KALRN: variants seen among roughly 807,000 people sequenced by gnomAD.
KALRN encodes the protein kalirin.
Under a neutral mutation model 353.7 loss-of-function variants are expected in KALRN, and 70 were observed. The observed-to-expected ratio is 0.20, with a 90% confidence interval of 0.16 to 0.24. The LOEUF is 0.24. Ranked by LOEUF, KALRN falls within the 10% of genes least tolerant of loss-of-function variation. The pLI is 1.00. For synonymous variants in KALRN, 1,391 were observed against 1,434.8 expected (o/e 0.97, Z 0.69); for missense variants, 2,791 against 3,756.7 (o/e 0.74, Z 6.72).
chr3:124,442,005 G>A lies in KALRN; in HGVS notation c.3259G>A (p.Val1087Ile), dbSNP rs2150597778. Residue 1087 changes from valine to isoleucine, a missense_variant, in exon 19 of 60, where the codon GTC becomes ATC. Val to Ile is a conservative substitution (Grantham distance 29, BLOSUM62 3). This residue lies in a region of KALRN where 268 missense variants were observed against 347.0 expected (regional missense o/e 0.77). Coordinates refer to ENST00000682506, the MANE Select transcript of KALRN (RefSeq NM_001388419.1). ...VFLKYIHRNN[V>I]SMPSVASHTR... is the part of the protein sequence containing the mutation. Reference sequence around the variant, plus strand: ...TCTCAAGTACATCCACAGGAACAACGTCAGCATGCCCAGTGTCGCCAGCCA... The same window carrying A: ...TCTCAAGTACATCCACAGGAACAACATCAGCATGCCCAGTGTCGCCAGCCA... 1.9e-6 allele frequency: 3 copies of A among 1,607,778 alleles called. No individual in the cohort carries two copies. Among genetic ancestry groups the A allele is most frequent in the East Asian group, 2.2e-5 (1 of 44,542 alleles).
At chr3:124,071,763 A>G (rs2060029896) in intron 1 of KALRN, among the ~76,000 whole-genome samples, 1 of 152,166 alleles carries the variant, frequency 6.6e-6, no homozygotes, top group Non-Finnish European at 1.5e-5. Context: ...CACATTGGCC[A>G]TTAAGTTTCA....
At chr3:124,344,079 A>G (rs1418326351) in intron 9 of KALRN, among the ~76,000 whole-genome samples, 1 of 152,228 alleles carries the variant, frequency 6.6e-6, no homozygotes. Context: ...CCTGACTATG[A>G]TTGGTAATTG....
chr3:124,121,289 A>G (rs569420783), intron 1 of KALRN, among the ~76,000 whole-genome samples: 8 of 152,276 alleles, frequency 5.3e-5, no homozygotes, highest in Non-Finnish European at 7.3e-5. Flanking sequence ...TATATTTTCT[A>G]TCTCCAGAAT....
At chr3:124,228,101 AGAGAAGTTGTGTGTG>A in intron 2 of KALRN, 37 bp downstream of exon 2, 2 of 1,532,108 alleles carry the variant, frequency 1.3e-6, no homozygotes. Flanking sequence ...TAAAGGACCT[AGAGAAGTTGTGTGTG>A]TGCACATGTG....
chr3:124,311,064 C>CTT (rs71145446), intron 6 of KALRN, among the ~76,000 whole-genome samples: 2,347 of 67,478 alleles, frequency 0.035, 541 homozygotes, highest in East Asian at 0.35. Flanking sequence ...GATACTACTT[C>CTT]TTTTTTTTTT....
rs1267527831 is a variant in KALRN at position 124,629,164 on chromosome 3, C to G, written c.5183-3256C>G. ...AGCTGGTCAGGTATTCTCCCAAGAT[C>G]ATGGTGATGATGAGAAGCATCAGCA... On this transcript the variant is annotated intron_variant, in intron 34 of 59. Transcript: ENST00000682506. Among the ~76,000 whole-genome samples the G allele has an allele frequency of 2.6e-5, 4 of 152,272 alleles. No homozygotes were observed. In the East Asian group the frequency reaches 7.7e-4, roughly 29 times the overall value.
At chr3:124,040,079 G>T (rs552835761) in intron 1 of KALRN, among the ~76,000 whole-genome samples, 1 of 152,242 alleles carries the variant, frequency 6.6e-6, no homozygotes, top group South Asian at 2.1e-4. Context: ...CTTCATCCTT[G>T]TGCCACAAAT....
intron 10 of KALRN, among the ~76,000 whole-genome samples, chr3:124,361,391 C>T (rs75531231): frequency 0.029 from 4,393 of 152,274 alleles, 105 homozygotes; most frequent in Middle Eastern, 0.051. Flanking sequence ...GTTTATTCTC[C>T]CAGTTATTCC....
intron 34 of KALRN, among the ~76,000 whole-genome samples, chr3:124,585,501 G>C (rs3863066): frequency 1.3e-5 from 2 of 152,200 alleles, no homozygotes; most frequent in African/African-American, 4.8e-5. Context: ...TCTGTGCCCA[G>C]TTAGGACTGT....
intron 33 of KALRN, chr3:124,519,236 G>A: frequency 6.3e-6 from 6 of 958,690 alleles, no homozygotes; most frequent in Non-Finnish European, 7.4e-6. Flanking sequence ...CTGGCCACAT[G>A]TTGATAATTG....
At chr3:124,102,171 C>A (rs2061921834) in intron 1 of KALRN, among the ~76,000 whole-genome samples, 1 of 151,954 alleles carries the variant, frequency 6.6e-6, no homozygotes. Flanking sequence ...TGTATATATA[C>A]CTATTAGAGT....
intron 10 of KALRN, among the ~76,000 whole-genome samples, chr3:124,355,471 G>T (rs1161054800): frequency 6.6e-6 from 1 of 152,152 alleles, no homozygotes; most frequent in Non-Finnish European, 1.5e-5. Context: ...TTTTATGGAA[G>T]GCAGGGGTGA....
At chr3:124,486,617 CT>C (rs1192238216) in intron 28 of KALRN, among the ~76,000 whole-genome samples, 5 of 152,268 alleles carry the variant, frequency 3.3e-5, no homozygotes, top group Non-Finnish European at 4.4e-5. Flanking sequence ...AATTAGATAT[CT>C]TACCAAGTAT....
At chr3:124,189,315 C>T (rs1427202713) in intron 1 of KALRN, among the ~76,000 whole-genome samples, 1 of 152,138 alleles carries the variant, frequency 6.6e-6, no homozygotes, top group Non-Finnish European at 1.5e-5. Context: ...TGTTCTGAGA[C>T]ACTAATAAAG....
intron 13 of KALRN, chr3:124,410,138 C>T (rs76698357): frequency 0.013 from 6,273 of 494,590 alleles, 92 homozygotes; most frequent in East Asian, 0.078. Context: ...TTTGAATTCC[C>T]AAGATTCCAG....
intron 1 of KALRN, among the ~76,000 whole-genome samples, chr3:124,036,114 G>C (rs1463198052): frequency 6.6e-6 from 1 of 152,090 alleles, no homozygotes. Context: ...GGGTTATATA[G>C]ATAAACTGTG....
intron 6 of KALRN, among the ~76,000 whole-genome samples, chr3:124,312,828 CA>C (rs2078411452): frequency 6.6e-6 from 1 of 152,182 alleles, no homozygotes; most frequent in Non-Finnish European, 1.5e-5. Flanking sequence ...GAATTTTGCC[CA>C]CTAGAGTATA....
At chr3:124,547,025 T>G (rs566538128) in intron 33 of KALRN, among the ~76,000 whole-genome samples, 3 of 152,310 alleles carry the variant, frequency 2.0e-5, no homozygotes, top group East Asian at 1.9e-4. Flanking sequence ...AAGGAGAACT[T>G]TCTATGCAGT....
intron 34 of KALRN, among the ~76,000 whole-genome samples, chr3:124,592,567 A>C: frequency 6.7e-6 from 1 of 150,058 alleles, no homozygotes; most frequent in African/African-American, 2.4e-5. Context: ...CACATCTTTT[A>C]TGTTTGAGGC....
Sources: gnomAD v4.1 joint callset for allele counts (sites outside exome capture counted in the v4.1 genomes callset) on GRCh38, gnomAD v4.1.1 for gene constraint, gnomAD v4.1.1 regional missense constraint, MANE v1.5 for transcripts, NCBI Gene and HGNC (gene_info 2026-07-23, HGNC 2026-07-21) for gene names.